Variants in GUCY1A1 observed in about 807,000 individuals in gnomAD.
The protein encoded by GUCY1A1 is guanylate cyclase soluble subunit alpha-1.
In GUCY1A1, 48 loss-of-function variants were observed where a neutral mutation model predicts 64.5. The observed-to-expected ratio is 0.74, with a 90% CI of 0.59 to 0.95. The LOEUF (loss-of-function observed/expected upper bound fraction) is 0.95. GUCY1A1 is among the 40% of genes least tolerant of loss of function. The pLI, the probability that GUCY1A1 is intolerant of heterozygous loss-of-function variation, is 0.00. For missense variants in GUCY1A1, 804 were observed against 825.3 expected (o/e 0.97, Z 0.32); for synonymous variants, 308 against 303.4 (o/e 1.02, Z -0.16).
At chr4:155,674,974 A>G (rs1388424279) in intron 2 of GUCY1A1, among the ~76,000 whole-genome samples, 2 of 151,526 alleles carry the variant, frequency 1.3e-5, no homozygotes, top group African/African-American at 4.9e-5. Context: ...CTCCACGAGC[A>G]TTTCAGTTAT....
At chr4:155,700,090 A>G (rs1033782278) in intron 3 of GUCY1A1, among the ~76,000 whole-genome samples, 6 of 152,154 alleles carry the variant, frequency 3.9e-5, no homozygotes, top group Non-Finnish European at 8.8e-5. Flanking sequence ...GCTCTTCATA[A>G]TATAATATTG....
intron 4 of GUCY1A1, among the ~76,000 whole-genome samples, chr4:155,704,284 T>A (rs1339061737): frequency 6.6e-6 from 1 of 152,234 alleles, no homozygotes; most frequent in South Asian, 2.1e-4. Context: ...ATTTTAAGCA[T>A]GTAGTTATAA....
intron 2 of GUCY1A1, among the ~76,000 whole-genome samples, chr4:155,694,031 AC>A (rs1297273721): frequency 6.6e-6 from 1 of 152,006 alleles, no homozygotes; most frequent in Non-Finnish European, 1.5e-5. Flanking sequence ...CTCAGACCTA[AC>A]CTATAATCTT....
intron 5 of GUCY1A1, among the ~76,000 whole-genome samples, chr4:155,710,077 A>G (rs1432235645): frequency 6.6e-6 from 1 of 152,182 alleles, no homozygotes; most frequent in Non-Finnish European, 1.5e-5. Flanking sequence ...CTTTGTAATC[A>G]TTTCTAGACA....
At chr4:155,724,104 C>T (rs1392724332) in intron 9 of GUCY1A1, among the ~76,000 whole-genome samples, 1 of 152,076 alleles carries the variant, frequency 6.6e-6, no homozygotes, top group African/African-American at 2.4e-5. Flanking sequence ...AGCAGAGCTA[C>T]CCCAGTACTC....
At position 155,731,540 on chromosome 4, in the gene GUCY1A1, C is replaced by T. The variant is rs1735549701; in HGVS notation, c.*1309C>T. 1.3e-5 allele frequency: 2 copies of T among 151,738 alleles called. No individual in the cohort carries two copies. Among genetic ancestry groups the T allele is most frequent in the Non-Finnish European group, 2.9e-5 (2 of 67,812 alleles). The allele number at this position is 151,738 out of a possible 1,614,324, so 9.4% of individuals were successfully genotyped here. A position where few individuals can be genotyped will look rare whatever the true frequency, so the allele number is the denominator to read the frequency against. On this transcript the variant is annotated 3_prime_UTR_variant, in exon 10 of 10. Coordinates refer to ENST00000506455, the MANE Select transcript of GUCY1A1 (RefSeq NM_001130682.3). ...TTTTTGTTTTACATAAACATTTAAGCAGCTAGGAACTTTTAGTTTTAGTTA... is the reference window on the plus strand; with the variant it reads ...TTTTTGTTTTACATAAACATTTAAGTAGCTAGGAACTTTTAGTTTTAGTTA...
rs377376145 is a variant in GUCY1A1, at chr4:155,710,726, C to T, written c.561C>T (p.Asp187=). The change falls in exon 6 of 10, where the codon GAC becomes GAT. Residue 187 remains aspartate, a synonymous_variant. Coordinates refer to ENST00000506455, the MANE Select transcript of GUCY1A1 (RefSeq NM_001130682.3). ...QEAGKRGRLE[D]ASILCLDKED... ...CAGGAAAAAGGGGCAGGCTTGAGGACGCCTCCATTCTATGCCTGGATAAGG... is the reference window on the plus strand; with the variant it reads ...CAGGAAAAAGGGGCAGGCTTGAGGATGCCTCCATTCTATGCCTGGATAAGG... 13 of 1,613,910 alleles carry T rather than the reference C, an allele frequency of 8.1e-6. No homozygotes were observed. The highest frequency in any genetic ancestry group is 1.6e-4 in the Middle Eastern group (1 of 6,082).
At position 155,733,768 on chromosome 4, in the gene GUCY1A1, T is replaced by C. The variant is rs1735789299; in HGVS notation, c.*3537T>C. Among the ~76,000 whole-genome samples the C allele has an allele frequency of 6.6e-6, 1 of 151,392 alleles. No individual in the cohort carries two copies. The highest frequency in any genetic ancestry group is 2.4e-5 in the African/African-American group (1 of 41,206). On this transcript the variant is annotated 3_prime_UTR_variant, in exon 10 of 10. Coordinates refer to ENST00000506455, the MANE Select transcript of GUCY1A1 (RefSeq NM_001130682.3). The stretch of plus-strand genomic sequence containing the variant: ...ACTAGATAAGAGAAGCATCAAGTCT[T>C]AAAGGAAGAGAATGGTATGATCAGA...
intron 2 of GUCY1A1, among the ~76,000 whole-genome samples, chr4:155,688,915 G>GT (rs148115639): frequency 0.025 from 3,727 of 152,112 alleles, 152 homozygotes; most frequent in African/African-American, 0.084. Flanking sequence ...AGTGAAAGTA[G>GT]TTGGTAGGAA....
At chr4:155,673,780 A>C (rs532577452) in intron 2 of GUCY1A1, among the ~76,000 whole-genome samples, 18 of 151,494 alleles carry the variant, frequency 1.2e-4, no homozygotes, top group South Asian at 1.0e-3. Context: ...CCCCTTGTTC[A>C]ATCTTTGTGG....
chr4:155,689,734 A>T (rs1729486031), intron 2 of GUCY1A1, among the ~76,000 whole-genome samples: 1 of 152,194 alleles, frequency 6.6e-6, no homozygotes. Context: ...GCAGCTTATT[A>T]AACACAATTT....
chr4:155,711,581 T>C (rs1732581505), intron 6 of GUCY1A1, among the ~76,000 whole-genome samples: 1 of 152,350 alleles, frequency 6.6e-6, no homozygotes, highest in East Asian at 1.9e-4. Flanking sequence ...ATAAGAGGTA[T>C]TGTTTTACAA....
chr4:155,717,167 C>A lies in GUCY1A1; in HGVS notation c.1581C>A (p.Thr527=). 2.0e-6 allele frequency: 3 copies of A among 1,497,090 alleles called. No homozygotes were observed. In the South Asian group the frequency reaches 4.1e-5, roughly 20 times the overall value. 92.7% of individuals were successfully genotyped at this position (1,497,090 alleles called of 1,614,324 possible). A position where few individuals can be genotyped will look rare whatever the true frequency, so the allele number is the denominator to read the frequency against. The change falls in exon 8 of 10, where the codon ACC becomes ACA. Residue 527 remains threonine (T), a synonymous_variant. Transcript: ENST00000506455. ...AAATATATTATGTCTAGGTGGAGAC[C>A]ATTGGCGATGCCTATTGTGTAGCTG... The part of the protein sequence containing the change: ...CGELDVYKVE[T]IGDAYCVAGG...
intron 9 of GUCY1A1, 136 bp downstream of exon 9, chr4:155,722,328 A>T (rs1340674238): frequency 6.9e-7 from 1 of 1,442,954 alleles, no homozygotes; most frequent in Admixed American, 2.9e-5. Flanking sequence ...GATAACTTTT[A>T]TCATCCTCAC....
At chr4:155,715,033 G>GT in intron 7 of GUCY1A1, among the ~76,000 whole-genome samples, 1 of 152,282 alleles carries the variant, frequency 6.6e-6, no homozygotes, top group East Asian at 1.9e-4. Flanking sequence ...ATAGGGTATA[G>GT]TTTTTAAGTA....
At chr4:155,677,004 G>C (rs1735043007) in intron 2 of GUCY1A1, among the ~76,000 whole-genome samples, 1 of 151,488 alleles carries the variant, frequency 6.6e-6, no homozygotes. Flanking sequence ...ACACTGAACT[G>C]AGTTTGTGTG....
At chr4:155,729,650 A>G (rs1296199047) in intron 9 of GUCY1A1, among the ~76,000 whole-genome samples, 1 of 151,814 alleles carries the variant, frequency 6.6e-6, no homozygotes, top group Non-Finnish European at 1.5e-5. Flanking sequence ...TGAATTGATA[A>G]ATGGACATCT....
chr4:155,709,521 T>C (rs1397106633), intron 5 of GUCY1A1, among the ~76,000 whole-genome samples: 4 of 152,146 alleles, frequency 2.6e-5, no homozygotes, highest in Non-Finnish European at 5.9e-5. Flanking sequence ...AAGAAACAAG[T>C]AAACAGAAAG....
rs778275259 is a variant in GUCY1A1 at position 155,697,159 on chromosome 4, C to G, written c.255+37C>G. 3 of 1,522,432 alleles carry G rather than the reference C, an allele frequency of 2.0e-6. No individual in the cohort carries two copies. In the South Asian group the frequency reaches 3.5e-5, roughly 18 times the overall value. 94.3% of individuals were successfully genotyped at this position (1,522,432 alleles called of 1,614,324 possible). On this transcript the variant is annotated intron_variant, in intron 3 of 9. Coordinates refer to ENST00000506455, the MANE Select transcript of GUCY1A1 (RefSeq NM_001130682.3). Reference sequence around the variant, plus strand: ...CTCTTTAGATTTTGAAATTGTAATACTTTGAAATTGTAGAAGAATGTTTTT... The same window carrying G: ...CTCTTTAGATTTTGAAATTGTAATAGTTTGAAATTGTAGAAGAATGTTTTT...
Sources: gnomAD v4.1 joint callset for allele counts (sites outside exome capture counted in the v4.1 genomes callset) on GRCh38, gnomAD v4.1.1 for gene constraint, MANE v1.5 for transcripts, NCBI Gene and HGNC (gene_info 2026-07-23, HGNC 2026-07-21) for gene names.